The following LAMA2 variants were observed in gnomAD, a reference collection of about 807,000 sequenced individuals.
LAMA2 encodes laminin subunit alpha 2.
In LAMA2, 269 loss-of-function variants were observed where a neutral mutation model predicts 364.8. That is an observed-to-expected ratio of 0.74 (90% CI 0.67 to 0.82). The LOEUF is 0.82. LAMA2 is among the 40% of genes least tolerant of loss of function. The pLI, the probability that LAMA2 is intolerant of heterozygous loss-of-function variation, is 0.00. For missense variants in LAMA2, 3,807 were observed against 3,873.2 expected, an observed-to-expected ratio of 0.98 and a Z score of 0.45; for synonymous variants, 1,379 against 1,370.6, an observed-to-expected ratio of 1.01 and a Z score of -0.14.
chr6:129,355,443 A>G (rs1188297698), intron 32 of LAMA2, among the ~76,000 whole-genome samples: 8 of 152,178 alleles, frequency 5.3e-5, no homozygotes, highest in Non-Finnish European at 1.0e-4. Context: ...GACACAAGTG[A>G]GGATGTAATT....
chr6:129,139,652 CA>C (rs1329950439), intron 4 of LAMA2, among the ~76,000 whole-genome samples: 1 of 151,986 alleles, frequency 6.6e-6, no homozygotes, highest in Non-Finnish European at 1.5e-5. Flanking sequence ...TTTTTTTACA[CA>C]GTCAAAATAA....
chr6:129,201,237 C>T (rs886467215), intron 12 of LAMA2, among the ~76,000 whole-genome samples: 1 of 152,102 alleles, frequency 6.6e-6, no homozygotes, highest in African/African-American at 2.4e-5. Flanking sequence ...GAGAAAAAAG[C>T]CAAACACAGC....
At chr6:129,422,980 G>T (rs1474983419) in intron 40 of LAMA2, among the ~76,000 whole-genome samples, 3 of 151,908 alleles carry the variant, frequency 2.0e-5, no homozygotes, top group Non-Finnish European at 4.4e-5. Context: ...TTACTCAAAG[G>T]ATTATACATG....
chr6:129,098,252 A>G lies in LAMA2; in HGVS notation c.476A>G (p.Asp159Gly). 1 of 1,614,018 alleles carries G rather than the reference A, an allele frequency of 6.2e-7. No homozygotes were observed. The highest frequency in any genetic ancestry group is 1.1e-5 in the South Asian group (1 of 91,070). ...AACTGGATTTTGGAACGCTCTCTTG[A>G]TGATGTTGAATACAAGCCCTGGCAG... ...PGNWILERSL[D>G]DVEYKPWQYH... The change falls in exon 4 of 65, where the codon GAT (aspartate) becomes GGT (glycine). Residue 159 changes from aspartate to glycine, a missense_variant. Physicochemically the swap from Asp to Gly is moderately conservative, Grantham distance 94 (BLOSUM62 -1). This residue lies in a region of LAMA2 where 394 missense variants were observed against 403.5 expected (regional missense o/e 0.98). Coordinates refer to ENST00000421865, the MANE Select transcript of LAMA2 (RefSeq NM_000426.4).
rs569768441 is a variant in LAMA2 at position 129,252,235 on chromosome 6, C to G, written c.2036C>G (p.Ala679Gly). Reference sequence around the variant, plus strand: ...AGAAAGGAATTTATGACAGTGCTTGCGAATTTGAAGAGAGTCCTCCTACAA... The same window carrying G: ...AGAAAGGAATTTATGACAGTGCTTGGGAATTTGAAGAGAGTCCTCCTACAA... ...VRRKEFMTVL[A>G]NLKRVLLQIT... The change falls in exon 14 of 65, where the codon GCG (alanine) becomes GGG (glycine). Residue 679 changes from alanine to glycine, a missense_variant. Around this residue, in one of 3 missense-constraint regions of LAMA2, gnomAD observed 3,333 missense variants for 3,345.7 expected, o/e 1.00. Transcript: ENST00000421865. 5 of 1,613,852 alleles carry G rather than the reference C, an allele frequency of 3.1e-6. No individual in the cohort carries two copies. In the East Asian group the frequency reaches 8.9e-5, roughly 29 times the overall value.
chr6:129,174,826 TCTACCTAC>T (rs527412635), intron 9 of LAMA2, among the ~76,000 whole-genome samples: 1 of 152,106 alleles, frequency 6.6e-6, no homozygotes, highest in East Asian at 1.9e-4. Flanking sequence ...TTTCGATCTA[TCTACCTAC>T]CTACCTACCT....
At chr6:128,922,805 A>C (rs985641327) in intron 1 of LAMA2, among the ~76,000 whole-genome samples, 40 of 152,240 alleles carry the variant, frequency 2.6e-4, no homozygotes, top group East Asian at 2.5e-3. Flanking sequence ...CTGAATGGTA[A>C]TGCCTAGGTT....
intron 1 of LAMA2, among the ~76,000 whole-genome samples, chr6:129,024,855 A>G (rs551342678): frequency 5.6e-4 from 86 of 152,254 alleles, no homozygotes; most frequent in Admixed American, 6.5e-5. Context: ...AGGCGGAGAC[A>G]GGAGGACCCT....
chr6:128,956,754 A>G (rs1781172513), intron 1 of LAMA2, among the ~76,000 whole-genome samples: 1 of 152,002 alleles, frequency 6.6e-6, no homozygotes, highest in Non-Finnish European at 1.5e-5. Context: ...TTGTTATGTC[A>G]TACAAATTCA....
chr6:129,284,215 G>T (rs188615190), intron 18 of LAMA2, among the ~76,000 whole-genome samples: 1 of 137,948 alleles, frequency 7.2e-6, no homozygotes, highest in Admixed American at 7.7e-5. Flanking sequence ...TTATACAGCA[G>T]CCACCCTCTT....
chr6:129,203,933 G>T (rs77010780), intron 12 of LAMA2, among the ~76,000 whole-genome samples: 1 of 152,126 alleles, frequency 6.6e-6, no homozygotes, highest in East Asian at 1.9e-4. Context: ...GAAGCTGTCC[G>T]ATAAATGCCA....
chr6:128,982,763 C>G (rs559096638), intron 1 of LAMA2, among the ~76,000 whole-genome samples: 2 of 126,706 alleles, frequency 1.6e-5, no homozygotes, highest in African/African-American at 5.9e-5. Flanking sequence ...CCCCTCCCCC[C>G]ACCCCACCCC....
At chr6:128,888,565 G>T (rs779644372) in intron 1 of LAMA2, among the ~76,000 whole-genome samples, 18 of 152,296 alleles carry the variant, frequency 1.2e-4, no homozygotes, top group African/African-American at 3.6e-4. Context: ...GTTGGTAAAG[G>T]TTGACCTCTT....
intron 1 of LAMA2, among the ~76,000 whole-genome samples, chr6:128,990,430 T>C (rs1452082550): frequency 6.6e-6 from 1 of 152,190 alleles, no homozygotes; most frequent in Non-Finnish European, 1.5e-5. Context: ...CAAATACGAA[T>C]ATGCATTTAG....
chr6:129,367,049 A>C (rs1314586288), intron 33 of LAMA2, among the ~76,000 whole-genome samples: 1 of 152,246 alleles, frequency 6.6e-6, no homozygotes, highest in South Asian at 2.1e-4. Context: ...GGTTATCATC[A>C]AAATGAAAAC....
chr6:129,497,611 T>C (rs1167533589), intron 58 of LAMA2, among the ~76,000 whole-genome samples: 1 of 152,220 alleles, frequency 6.6e-6, no homozygotes, highest in Non-Finnish European at 1.5e-5. Flanking sequence ...AACTGCCTAT[T>C]TATGAGCTCC....
intron 58 of LAMA2, among the ~76,000 whole-genome samples, chr6:129,497,034 T>C (rs571741493): frequency 4.1e-4 from 62 of 152,350 alleles, no homozygotes; most frequent in African/African-American, 1.4e-3. Context: ...TTTAACTTAA[T>C]TATTCTAGTT....
intron 1 of LAMA2, among the ~76,000 whole-genome samples, chr6:129,032,308 T>C (rs1297228202): frequency 6.6e-6 from 1 of 152,212 alleles, no homozygotes; most frequent in East Asian, 1.9e-4. Context: ...ATCAGTGCTA[T>C]GCAAGAAAAA....
At position 129,200,370 on chromosome 6, in the gene LAMA2, G is replaced by A. The variant is rs866823141; in HGVS notation, c.1782+7517G>A. Among the ~76,000 whole-genome samples, 263 of 139,408 alleles carry A rather than the reference G, an allele frequency of 1.9e-3. 2 individuals are homozygous for A. The highest frequency in any genetic ancestry group is 7.0e-3 in the African/African-American group (241 of 34,576). 91.5% of individuals were successfully genotyped at this position (139,408 alleles called of 152,430 possible). A position where few individuals can be genotyped will look rare whatever the true frequency, so the allele number is the denominator to read the frequency against. ...TGTGTACACATATACATATACACGT[G>A]TATGTGTACACATATACATGTGTAT... On this transcript the variant is annotated intron_variant, in intron 12 of 64. Transcript: ENST00000421865.
Sources: allele counts gnomAD v4.1 joint callset (sites outside exome capture counted in the v4.1 genomes callset), GRCh38; gene constraint gnomAD v4.1.1; regional missense constraint gnomAD v4.1.1; transcripts MANE v1.5; gene names NCBI Gene and HGNC (gene_info 2026-07-23, HGNC 2026-07-21).